The following GALNT17 variants were observed in gnomAD, a reference collection of about 807,000 sequenced individuals.
The protein encoded by GALNT17 is polypeptide N-acetylgalactosaminyltransferase 17.
Under a neutral mutation model 63.7 loss-of-function variants are expected in GALNT17, and 29 were observed. That is an observed-to-expected ratio of 0.46 (90% CI 0.34 to 0.62). The LOEUF is 0.62. Ranked by LOEUF, GALNT17 falls within the 20% of genes least tolerant of loss-of-function variation. The probability of loss-of-function intolerance (pLI) is 0.01; values close to 1 mark genes in which losing one functional copy is unlikely to be tolerated. For synonymous variants in GALNT17, 305 were observed against 318.3 expected (o/e 0.96, Z 0.45); for missense variants, 603 against 799.6 (o/e 0.75, Z 2.97).
chr7:71,237,055 C>G lies in GALNT17; in HGVS notation c.239-98495C>G, dbSNP rs566968069. Among the ~76,000 whole-genome samples, 239 of 152,306 alleles carry G rather than the reference C, an allele frequency of 1.6e-3. 1 individual carries two copies. The Middle Eastern group carries it at 0.017, about 11-fold the overall frequency. ...GGCTCCCTGACAATGCACAAACACG[C>G]TGCCACATTCTTTTTTGGGGGTCCA... On this transcript the variant is annotated intron_variant, in intron 1 of 10. Transcript: ENST00000333538.
chr7:71,259,469 G>A (rs1408612824), intron 1 of GALNT17, among the ~76,000 whole-genome samples: 2 of 152,070 alleles, frequency 1.3e-5, no homozygotes, highest in Non-Finnish European at 2.9e-5. Flanking sequence ...GCAGATATAG[G>A]GTTTTACGGG....
intron 5 of GALNT17, among the ~76,000 whole-genome samples, chr7:71,490,037 C>A (rs1011229016): frequency 6.6e-6 from 1 of 152,052 alleles, no homozygotes; most frequent in African/African-American, 2.4e-5. Context: ...GCGGGCAGAT[C>A]ACGAGGTCAG....
chr7:71,700,570 CTA>C (rs1791616861), intron 9 of GALNT17, among the ~76,000 whole-genome samples: 1 of 152,268 alleles, frequency 6.6e-6, no homozygotes, highest in East Asian at 1.9e-4. Context: ...TCCCCCACCT[CTA>C]TACTCCATCA....
chr7:71,566,528 C>T (rs764727656), intron 5 of GALNT17, among the ~76,000 whole-genome samples: 1 of 152,134 alleles, frequency 6.6e-6, no homozygotes, highest in Non-Finnish European at 1.5e-5. Context: ...CTCCCAGTCC[C>T]CTGCTTCTGT....
intron 1 of GALNT17, among the ~76,000 whole-genome samples, chr7:71,247,769 G>A (rs1790125767): frequency 6.6e-6 from 1 of 152,112 alleles, no homozygotes; most frequent in Non-Finnish European, 1.5e-5. Context: ...AGAGTCTACT[G>A]TTGACCAGAA....
chr7:71,612,205 A>G (rs2116954249), intron 6 of GALNT17, among the ~76,000 whole-genome samples: 1 of 152,264 alleles, frequency 6.6e-6, no homozygotes, highest in East Asian at 1.9e-4. Flanking sequence ...TGTGAGTAGG[A>G]GAAACAGGAC....
intron 1 of GALNT17, among the ~76,000 whole-genome samples, chr7:71,319,125 T>TCTTTC (rs1554352835): frequency 6.6e-6 from 1 of 151,806 alleles, no homozygotes; most frequent in African/African-American, 2.4e-5. Context: ...TTTCTTTCTT[T>TCTTTC]TTTTTGTTCT....
rs180936390 is a variant in GALNT17, at chr7:71,202,710, G to A, written c.238+69670G>A. Among the ~76,000 whole-genome samples, 152 of 152,226 alleles carry A rather than the reference G, an allele frequency of 1.0e-3. 1 individual carries two copies. In the South Asian group the frequency reaches 0.01, roughly 10 times the overall value. On this transcript the variant is annotated intron_variant, in intron 1 of 10. Coordinates refer to ENST00000333538, the MANE Select transcript of GALNT17 (RefSeq NM_022479.3). ...TACTTTATTAATAACTGTAGTCACCGTGCTGTGATATTTCCAAAACTTATC... is the reference window on the plus strand; with the variant it reads ...TACTTTATTAATAACTGTAGTCACCATGCTGTGATATTTCCAAAACTTATC...
intron 1 of GALNT17, among the ~76,000 whole-genome samples, chr7:71,143,210 T>A (rs1214909897): frequency 1.3e-5 from 2 of 151,250 alleles, no homozygotes; most frequent in South Asian, 4.2e-4. Flanking sequence ...TCCTTTGAGG[T>A]CAGGAGTTCA....
rs990778599 is a variant in GALNT17 at position 71,563,735 on chromosome 7, C to T, written c.963-7550C>T. Among the ~76,000 whole-genome samples, 6 of 152,070 alleles carry T rather than the reference C, an allele frequency of 3.9e-5. No homozygotes were observed. In the East Asian group the frequency reaches 1.2e-3, roughly 29 times the overall value. On this transcript the variant is annotated intron_variant, in intron 5 of 10. Coordinates refer to ENST00000333538, the MANE Select transcript of GALNT17 (RefSeq NM_022479.3). ...CTGGGACTATAGGCACATGCCGCCA[C>T]ACCTGACTAATTTTTTATTTTTCAT...
chr7:71,657,849 TATGGATGG>T (rs56699781), intron 6 of GALNT17, among the ~76,000 whole-genome samples: 23,996 of 124,858 alleles, frequency 0.19, 2,018 homozygotes, highest in Non-Finnish European at 0.2. Context: ...TATTTCATTT[TATGGATGG>T]ATGGATGGAT....
chr7:71,254,536 T>G (rs937775736), intron 1 of GALNT17, among the ~76,000 whole-genome samples: 1 of 152,214 alleles, frequency 6.6e-6, no homozygotes, highest in Non-Finnish European at 1.5e-5. Flanking sequence ...ATCTTTTTTG[T>G]CAGTCTTCAG....
At chr7:71,438,806 T>C (rs543441948) in intron 5 of GALNT17, among the ~76,000 whole-genome samples, 8 of 152,126 alleles carry the variant, frequency 5.3e-5, no homozygotes, top group South Asian at 4.2e-4. Context: ...CAAATAGTTA[T>C]AACAAATAAC....
rs143051879 is a variant in GALNT17 at position 71,413,490 on chromosome 7, C to A, written c.590-2399C>A. ...AAGCAATTCTCCTGCCTCGGCCTCC[C>A]GAGTAGCTGGGATTACAGGTACCCG... On this transcript the variant is annotated intron_variant, in intron 3 of 10. Transcript: ENST00000333538. Among the ~76,000 whole-genome samples the A allele has an allele frequency of 4.9e-4, 75 of 151,980 alleles. No individual in the cohort carries two copies. The East Asian group carries it at 0.015, about 29-fold the overall frequency.
chr7:71,257,057 T>C (rs185437194), intron 1 of GALNT17, among the ~76,000 whole-genome samples: 7 of 152,302 alleles, frequency 4.6e-5, no homozygotes, highest in African/African-American at 1.7e-4. Context: ...TGTGACCACT[T>C]CTGGGGACAT....
chr7:71,365,454 G>A (rs938447010), intron 2 of GALNT17, among the ~76,000 whole-genome samples: 1 of 152,196 alleles, frequency 6.6e-6, no homozygotes, highest in Non-Finnish European at 1.5e-5. Context: ...TGGCCAGGAT[G>A]ATCTCAATCT....
chr7:71,143,993 T>G (rs746497521), intron 1 of GALNT17, among the ~76,000 whole-genome samples: 1 of 152,048 alleles, frequency 6.6e-6, no homozygotes, highest in South Asian at 2.1e-4. Flanking sequence ...TCAGAGTGAT[T>G]TTAGTTGCAT....
chr7:71,431,186 A>T (rs1786856185), intron 5 of GALNT17, among the ~76,000 whole-genome samples: 1 of 146,424 alleles, frequency 6.8e-6, no homozygotes, highest in African/African-American at 2.5e-5. Flanking sequence ...TCACCCTATG[A>T]GTATTTTTTT....
intron 1 of GALNT17, among the ~76,000 whole-genome samples, chr7:71,316,451 T>G (rs181105275): frequency 6.6e-6 from 1 of 152,158 alleles, no homozygotes; most frequent in Non-Finnish European, 1.5e-5. Flanking sequence ...CATAATTTGG[T>G]TGTGTTGCTT....
Sources: allele counts gnomAD v4.1 joint callset (sites outside exome capture counted in the v4.1 genomes callset), GRCh38; gene constraint gnomAD v4.1.1; transcripts MANE v1.5; gene names NCBI Gene and HGNC (gene_info 2026-07-23, HGNC 2026-07-21).